CACNG7: variants seen among roughly 807,000 people sequenced by gnomAD.
CACNG7 encodes voltage-dependent calcium channel gamma-7 subunit.
Under a neutral mutation model 26.3 loss-of-function variants are expected in CACNG7, and 9 were observed. The ratio of observed to expected loss-of-function variants is 0.34; its 90% CI spans 0.21 to 0.60. CACNG7 has a LOEUF of 0.60. Among genes scored for constraint, CACNG7 ranks in the 20% least tolerant of loss-of-function variants. CACNG7 has a pLI of 0.81. For synonymous variants in CACNG7, 170 were observed against 157.0 expected (o/e 1.08, Z -0.62); for missense variants, 297 against 380.4 (o/e 0.78, Z 1.82).
rs1391053049 is a variant in CACNG7 at position 53,939,541 on chromosome 19, AT to A, written c.425-1925del. On this transcript the variant is annotated intron_variant, in intron 4 of 5. Coordinates refer to ENST00000391767, the MANE Select transcript of CACNG7 (RefSeq NM_031896.5). The surrounding 1 kb of genome is among the most constrained non-coding windows in gnomAD (Gnocchi z 4.2). ...TAAATGGAATCACACAATATGTGAT[AT>A]TTTGCATCTGGCTTCTTTTAGCTTG... Among the ~76,000 whole-genome samples, 6 of 152,142 alleles carry A rather than the reference AT, an allele frequency of 3.9e-5. No individual in the cohort carries two copies. The highest frequency in any genetic ancestry group is 1.4e-4 in the African/African-American group (6 of 41,422).
chr19:53,920,715 T>G (rs1374010096), intron 4 of CACNG7, among the ~76,000 whole-genome samples: 1 of 110,008 alleles, frequency 9.1e-6, no homozygotes, highest in Non-Finnish European at 1.7e-5. Flanking sequence ...GTCTGGTCAT[T>G]GGTGGAGCTG....
Position 53,937,992 on chromosome 19 carries a change from G to A in CACNG7, c.425-3478G>A, listed in dbSNP as rs565456716. On this transcript the variant is annotated intron_variant, in intron 4 of 5. Transcript: ENST00000391767. Reference sequence around the variant, plus strand: ...GAAGAGCATTCCAGGTAGAAGGAATGGCAAGACCAAAGGCCCTGAGGCAGA... The same window carrying A: ...GAAGAGCATTCCAGGTAGAAGGAATAGCAAGACCAAAGGCCCTGAGGCAGA... Among the ~76,000 whole-genome samples the A allele has an allele frequency of 2.0e-4, 31 of 152,258 alleles. 1 individual carries two copies. In the South Asian group the frequency reaches 6.4e-3, roughly 32 times the overall value.
chr19:53,913,767 G>C (rs2068875290), intron 2 of CACNG7, among the ~76,000 whole-genome samples: 2 of 125,146 alleles, frequency 1.6e-5, no homozygotes, highest in South Asian at 5.2e-4. Context: ...CTGGGTGACA[G>C]AGCAAAACCC....
chr19:53,915,467 T>C lies in CACNG7; in HGVS notation c.386T>C (p.Ile129Thr). The change falls in exon 4 of 6, where the codon ATT (isoleucine) becomes ACT (threonine). Residue 129 changes from isoleucine (I) to threonine (T), a missense_variant. Coordinates refer to ENST00000391767, the MANE Select transcript of CACNG7 (RefSeq NM_031896.5). Reference sequence around the variant, plus strand: ...GGCCACATCCGCCCGCAGAGGACCATTCTGGCTTTTGTCTCTGGCATCTTC... The same window carrying C: ...GGCCACATCCGCCCGCAGAGGACCACTCTGGCTTTTGTCTCTGGCATCTTC... The part of the protein sequence containing the change: ...NIGHIRPQRT[I>T]LAFVSGIFFI... 1.2e-6 allele frequency: 2 copies of C among 1,614,054 alleles called. No homozygotes were observed. The highest frequency in any genetic ancestry group is 1.7e-6 in the Non-Finnish European group (2 of 1,180,002).
At chr19:53,937,583 C>A (rs2069112919) in intron 4 of CACNG7, among the ~76,000 whole-genome samples, 1 of 134,172 alleles carries the variant, frequency 7.5e-6, no homozygotes, top group Non-Finnish European at 1.6e-5. Context: ...CCTTCCCTCC[C>A]CTCCCCTCCC....
At chr19:53,922,065 G>GCCCCAGGTCTGGTATTGGTGGAGTTGT (rs2068962214) in intron 4 of CACNG7, among the ~76,000 whole-genome samples, 1 of 60,680 alleles carries the variant, frequency 1.6e-5, no homozygotes, top group Admixed American at 1.5e-4. Context: ...TGGTGGAGTT[G>GCCCCAGGTCTGGTATTGGTGGAGTTGT]CCCCAGGTCT....
intron 4 of CACNG7, among the ~76,000 whole-genome samples, chr19:53,916,487 C>CTTTTTTTTTTT (rs397706471): frequency 1.0e-5 from 1 of 95,466 alleles, no homozygotes; most frequent in African/African-American, 4.4e-5. Context: ...TTCTTTCTTT[C>CTTTTTTTTTTT]TTTTTTTTTT....
chr19:53,920,939 G>GT (rs1360598319), intron 4 of CACNG7, among the ~76,000 whole-genome samples: 7 of 105,296 alleles, frequency 6.6e-5, no homozygotes, highest in Non-Finnish European at 3.7e-5. Flanking sequence ...TGGTGGACTT[G>GT]CCCCAGGCTG....
chr19:53,928,935 C>A (rs1428858006), intron 4 of CACNG7, among the ~76,000 whole-genome samples: 2 of 151,672 alleles, frequency 1.3e-5, no homozygotes, highest in African/African-American at 4.8e-5. Flanking sequence ...ATGGTGAAAC[C>A]CCATCTCTAC....
intron 4 of CACNG7, among the ~76,000 whole-genome samples, chr19:53,921,550 TTG>T (rs2068952487): frequency 7.8e-6 from 1 of 127,652 alleles, no homozygotes; most frequent in African/African-American, 3.8e-5. Context: ...ATTGGTGGAG[TTG>T]CCCCAGGCTG....
At chr19:53,930,040 T>C (rs2145914534) in intron 4 of CACNG7, among the ~76,000 whole-genome samples, 1 of 87,688 alleles carries the variant, frequency 1.1e-5, no homozygotes, top group East Asian at 3.0e-4. Flanking sequence ...AAGTAACAAA[T>C]AGATAATATA....
At chr19:53,917,308 T>G (rs903499544) in intron 4 of CACNG7, among the ~76,000 whole-genome samples, 2 of 152,168 alleles carry the variant, frequency 1.3e-5, no homozygotes, top group Non-Finnish European at 2.9e-5. Flanking sequence ...CAAATCAGGT[T>G]CTTGTAATTC....
chr19:53,917,111 T>C (rs1425179687), intron 4 of CACNG7, among the ~76,000 whole-genome samples: 1 of 152,164 alleles, frequency 6.6e-6, no homozygotes, highest in Non-Finnish European at 1.5e-5. Flanking sequence ...AGCTTTTTTC[T>C]TGAGTGTTAC....
chr19:53,919,782 T>C (rs67191446), intron 4 of CACNG7, among the ~76,000 whole-genome samples: 39,617 of 114,368 alleles, frequency 0.35, 9,085 homozygotes, highest in African/African-American at 0.49. Context: ...GGCTGGTCAT[T>C]GGTGGACTTG....
chr19:53,916,477 TTC>T (rs1423136741), intron 4 of CACNG7, among the ~76,000 whole-genome samples: 7 of 108,096 alleles, frequency 6.5e-5, no homozygotes, highest in Admixed American at 5.4e-4. Flanking sequence ...AATGCCTTTT[TTC>T]TTTCTTTCTT....
chr19:53,926,286 C>T (rs1174874915), intron 4 of CACNG7, among the ~76,000 whole-genome samples: 2 of 152,078 alleles, frequency 1.3e-5, no homozygotes, highest in Non-Finnish European at 2.9e-5. Flanking sequence ...ATCTCCTCAC[C>T]CACTAGCACT....
intron 4 of CACNG7, among the ~76,000 whole-genome samples, chr19:53,926,384 C>T (rs1377715975): frequency 6.6e-6 from 1 of 151,970 alleles, no homozygotes; most frequent in South Asian, 2.1e-4. Flanking sequence ...ACTTCGTACA[C>T]TCATTATTCC....
Position 53,942,389 on chromosome 19 carries a change from C to G in CACNG7, c.*96C>G. On this transcript the variant is annotated 3_prime_UTR_variant, in exon 6 of 6. Coordinates refer to ENST00000391767, the MANE Select transcript of CACNG7 (RefSeq NM_031896.5). This position sits in a 1 kb window ranked among gnomAD's most constrained non-coding sequence, Gnocchi z 5.9. Reference sequence around the variant, plus strand: ...GCCCCCTTCCGTCCTCGGGACTCCTCGCTCCCACCCGGAGGAGGCTGCGCC... The same window carrying G: ...GCCCCCTTCCGTCCTCGGGACTCCTGGCTCCCACCCGGAGGAGGCTGCGCC... 1 of 1,517,802 alleles carries G rather than the reference C, an allele frequency of 6.6e-7. No homozygotes were observed. The highest frequency in any genetic ancestry group is 2.0e-5 in the Admixed American group (1 of 50,748). 94.0% of individuals were successfully genotyped at this position (1,517,802 alleles called of 1,614,324 possible). A position where few individuals can be genotyped will look rare whatever the true frequency, so the allele number is the denominator to read the frequency against.
rs2069146841 is a variant in CACNG7 at position 53,942,674 on chromosome 19, A to C, written c.*381A>C. 1 of 770,320 alleles carries C rather than the reference A, an allele frequency of 1.3e-6. No individual in the cohort carries two copies. Among genetic ancestry groups the C allele is most frequent in the Admixed American group, 5.1e-5 (1 of 19,700 alleles). 47.7% of individuals were successfully genotyped at this position (770,320 alleles called of 1,614,324 possible). ...GCTCCCCAGAGCTCCCCAACCTCGG[A>C]CCTCACCGCAGGGGCGCTGGGCTGG... On this transcript the variant is annotated 3_prime_UTR_variant, in exon 6 of 6. Transcript: ENST00000391767. This position sits in a 1 kb window ranked among gnomAD's most constrained non-coding sequence, Gnocchi z 5.9.
Sources: allele counts gnomAD v4.1 joint callset (sites outside exome capture counted in the v4.1 genomes callset), GRCh38; gene constraint gnomAD v4.1.1; non-coding constraint Gnocchi (gnomAD v3.1); transcripts MANE v1.5; gene names NCBI Gene and HGNC (gene_info 2026-07-23, HGNC 2026-07-21).